EPHX2: variants seen among roughly 807,000 people sequenced by gnomAD.
EPHX2 encodes the protein bifunctional epoxide hydrolase 2.
EPHX2 carries 74 observed loss-of-function variants against 78.7 expected under a neutral mutation model. The observed-to-expected ratio is 0.94, with a 90% CI of 0.78 to 1.14. The LOEUF (loss-of-function observed/expected upper bound fraction) is 1.14. EPHX2 is among the 50% of genes most tolerant of loss of function. EPHX2 has a pLI of 0.00. For missense variants in EPHX2, 715 were observed against 702.5 expected, an observed-to-expected ratio of 1.02 and a Z score of -0.20; for synonymous variants, 251 against 255.2, an observed-to-expected ratio of 0.98 and a Z score of 0.16.
rs369003566 is a variant in EPHX2 at position 27,528,093 on chromosome 8, C to T, written c.1170+2620C>T. Among the ~76,000 whole-genome samples the T allele has an allele frequency of 8.5e-5, 13 of 152,120 alleles. No homozygotes were observed. The East Asian group carries it at 1.5e-3, about 18-fold the overall frequency. ...GACAAATCAGGATAGGCTCAAAATC[C>T]TGATTGCAAAAGTGACCTTAGGAGA... On this transcript the variant is annotated intron_variant, in intron 12 of 18. Transcript: ENST00000521400.
intron 6 of EPHX2, 53 bp from the exon 7 acceptor site, chr8:27,515,665 G>A (rs1814420351): frequency 6.7e-7 from 1 of 1,484,728 alleles, no homozygotes. Flanking sequence ...GTGGGGCCTG[G>A]GTCCACTGGG....
chr8:27,536,433 C>T (rs1176621577), intron 12 of EPHX2, among the ~76,000 whole-genome samples: 1 of 152,116 alleles, frequency 6.6e-6, no homozygotes, highest in Non-Finnish European at 1.5e-5. Flanking sequence ...GAGCCCCTCT[C>T]TTCTTACCAC....
chr8:27,513,842 C>T (rs979072642), intron 6 of EPHX2, among the ~76,000 whole-genome samples: 1 of 152,144 alleles, frequency 6.6e-6, no homozygotes, highest in African/African-American at 2.4e-5. Context: ...CGTTTTTGAT[C>T]AGACATAAGT....
chr8:27,507,814 C>T (rs1354405441), intron 5 of EPHX2, among the ~76,000 whole-genome samples: 1 of 152,332 alleles, frequency 6.6e-6, no homozygotes, highest in African/African-American at 2.4e-5. Flanking sequence ...CCAGAAGCCT[C>T]TCTCCTTGGC....
intron 16 of EPHX2, among the ~76,000 whole-genome samples, chr8:27,542,558 C>A (rs1815436621): frequency 6.6e-6 from 1 of 152,172 alleles, no homozygotes; most frequent in Non-Finnish European, 1.5e-5. Flanking sequence ...GTTGGACAGA[C>A]AAAATCTCTC....
chr8:27,519,860 A>G (rs1366046226), intron 9 of EPHX2, among the ~76,000 whole-genome samples: 1 of 152,186 alleles, frequency 6.6e-6, no homozygotes, highest in East Asian at 1.9e-4. Context: ...CACAGTCTGC[A>G]CAGGTCTGGC....
intron 5 of EPHX2, among the ~76,000 whole-genome samples, chr8:27,508,563 T>C (rs1182984287): frequency 6.6e-6 from 1 of 152,128 alleles, no homozygotes; most frequent in Non-Finnish European, 1.5e-5. Context: ...TGCCCCTGGC[T>C]AGGTCTGTCC....
intron 2 of EPHX2, among the ~76,000 whole-genome samples, chr8:27,501,394 T>TTCTTCTTCTTCTTCTTCTTCTTC (rs376633107): frequency 4.1e-5 from 3 of 73,064 alleles, no homozygotes; most frequent in Non-Finnish European, 6.7e-5. Context: ...CTTCTTCTTC[T>TTCTTCTTCTTCTTCTTCTTCTTC]TTCTTCTTTC....
chr8:27,518,336 A>C (rs72475856), intron 9 of EPHX2, among the ~76,000 whole-genome samples: 2 of 152,276 alleles, frequency 1.3e-5, no homozygotes, highest in African/African-American at 4.8e-5. Context: ...GTCAGTAGCC[A>C]GTAGAGCCAG....
chr8:27,504,944 C>A lies in EPHX2; in HGVS notation c.347-12C>A. Reference sequence around the variant, plus strand: ...CTGTAGCTGGTCTATCTACTGGTGGCTTTTTGCTCAGGATTCACTACTGCC... The same window carrying A: ...CTGTAGCTGGTCTATCTACTGGTGGATTTTTGCTCAGGATTCACTACTGCC... On this transcript the variant is annotated splice_polypyrimidine_tract_variant and intron_variant, in intron 3 of 18. Coordinates refer to ENST00000521400, the MANE Select transcript of EPHX2 (RefSeq NM_001979.6). 1 of 1,613,420 alleles carries A rather than the reference C, an allele frequency of 6.2e-7. No homozygotes were observed. The highest frequency in any genetic ancestry group is 1.1e-5 in the South Asian group (1 of 90,970).
intron 2 of EPHX2, among the ~76,000 whole-genome samples, chr8:27,502,881 A>T (rs1310457206): frequency 6.6e-6 from 1 of 152,222 alleles, no homozygotes. Flanking sequence ...ACTTCAACAC[A>T]GGAATTTTGG....
In EPHX2 at chr8:27,540,666, G is replaced by T. The variant is rs767119462; in HGVS notation, c.1379+10G>T. 10 of 1,611,548 alleles carry T rather than the reference G, an allele frequency of 6.2e-6. No homozygotes were observed. The South Asian group carries it at 9.9e-5, about 16-fold the overall frequency. Reference sequence around the variant, plus strand: ...AGAAGTCTGGTTTCAGGTAAAGAGAGCACAGGGCCCAGACACAGATGAGAG... The same window carrying T: ...AGAAGTCTGGTTTCAGGTAAAGAGATCACAGGGCCCAGACACAGATGAGAG... On this transcript the variant is annotated intron_variant, in intron 15 of 18. Coordinates refer to ENST00000521400, the MANE Select transcript of EPHX2 (RefSeq NM_001979.6).
rs774099359 is a variant in EPHX2 at position 27,500,971 on chromosome 8, C to T, written c.147C>T (p.Ala49=). 9.3e-6 allele frequency: 15 copies of T among 1,613,232 alleles called. No individual in the cohort carries two copies. The highest frequency in any genetic ancestry group is 1.3e-5 in the Non-Finnish European group (15 of 1,179,678). ...DAFQKGGPEG[A]TTRLMKGEIT... Reference sequence around the variant, plus strand: ...TCCAGAAAGGGGGACCAGAGGGTGCCACTACCCGGCTTATGAAAGGAGAGA... The same window carrying T: ...TCCAGAAAGGGGGACCAGAGGGTGCTACTACCCGGCTTATGAAAGGAGAGA... Residue 49 remains alanine, a synonymous_variant, in exon 2 of 19, where the codon GCC becomes GCT. Coordinates refer to ENST00000521400, the MANE Select transcript of EPHX2 (RefSeq NM_001979.6).
Position 27,511,911 on chromosome 8 carries a change from G to T in EPHX2, c.735+1G>T, listed in dbSNP as rs753195430. Reference sequence around the variant, plus strand: ...GAGCCATGGGTACGTGACAGTAAAGGTGAGTCAGTTTTGTCTCTCAGTCGG... The same window carrying T: ...GAGCCATGGGTACGTGACAGTAAAGTTGAGTCAGTTTTGTCTCTCAGTCGG... On this transcript the variant is annotated splice_donor_variant, in intron 6 of 18. Transcript: ENST00000521400. LOFTEE classifies it high-confidence loss of function. 35 of 1,613,952 alleles carry T rather than the reference G, an allele frequency of 2.2e-5. No individual in the cohort carries two copies. The highest frequency in any genetic ancestry group is 2.5e-5 in the Non-Finnish European group (30 of 1,179,990).
intron 5 of EPHX2, among the ~76,000 whole-genome samples, chr8:27,510,518 C>A (rs928825343): frequency 6.6e-6 from 1 of 152,136 alleles, no homozygotes; most frequent in African/African-American, 2.4e-5. Context: ...CTGTGTCCCC[C>A]AAAATTAATA....
intron 1 of EPHX2, among the ~76,000 whole-genome samples, chr8:27,493,317 A>G (rs775095962): frequency 6.6e-6 from 1 of 152,154 alleles, no homozygotes; most frequent in Non-Finnish European, 1.5e-5. Context: ...ACTATCCCTG[A>G]CTGGTTAGTT....
At position 27,541,543 on chromosome 8, in the gene EPHX2, G is replaced by C; in HGVS notation, c.1449+1G>C. On this transcript the variant is annotated splice_donor_variant, in intron 16 of 18. Transcript: ENST00000521400. LOFTEE classifies it high-confidence loss of function. The stretch of plus-strand genomic sequence containing the variant: ...GGCTTGCAAAAGCTTGGGACGGAAG[G>C]TGAGTGCCAGGTTCAGTGTAGTCTC... 1 of 1,614,232 alleles carries C rather than the reference G, an allele frequency of 6.2e-7. No individual in the cohort carries two copies. The highest frequency in any genetic ancestry group is 1.1e-5 in the South Asian group (1 of 91,086).
chr8:27,539,597 C>G (rs1375221156), intron 14 of EPHX2, among the ~76,000 whole-genome samples: 3 of 152,220 alleles, frequency 2.0e-5, no homozygotes, highest in African/African-American at 7.2e-5. Flanking sequence ...TTCACCCATT[C>G]ATTCATTCCT....
At position 27,511,892 on chromosome 8, in the gene EPHX2, T is replaced by C. The variant is rs764828365; in HGVS notation, c.717T>C (p.His239=). ...PTSCNPSDMS[H]GYVTVKPRVR... ...CTTGCAATCCAAGTGACATGAGCCA[T>C]GGGTACGTGACAGTAAAGGTGAGTC... The change falls in exon 6 of 19, where the codon CAT becomes CAC. Residue 239 remains histidine, a synonymous_variant. Transcript: ENST00000521400. The C allele has an allele frequency of 2.5e-6, 4 of 1,614,100 alleles. No homozygotes were observed. The South Asian group carries it at 4.4e-5, about 18-fold the overall frequency.
Sources: gnomAD v4.1 joint callset for allele counts (sites outside exome capture counted in the v4.1 genomes callset) on GRCh38, gnomAD v4.1.1 for gene constraint, MANE v1.5 for transcripts, NCBI Gene and HGNC (gene_info 2026-07-23, HGNC 2026-07-21) for gene names.